The following ITCH variants were observed in gnomAD, a reference collection of about 807,000 sequenced individuals.
ITCH encodes the protein E3 ubiquitin-protein ligase Itchy homolog.
In ITCH, 28 loss-of-function variants were observed where a neutral mutation model predicts 126.8. The observed-to-expected ratio is 0.22, with a 90% CI of 0.16 to 0.30. The LOEUF is 0.30. Among genes scored for constraint, ITCH ranks in the 10% least tolerant of loss-of-function variants. The probability of loss-of-function intolerance (pLI) is 1.00; values close to 1 mark genes in which losing one functional copy is unlikely to be tolerated. For synonymous variants in ITCH, 342 were observed against 340.0 expected (o/e 1.01, Z -0.06); for missense variants, 631 against 1,032.4 (o/e 0.61, Z 5.33).
Position 34,477,850 on chromosome 20 carries a change from G to A in ITCH, c.1648G>A (p.Gly550Ser). ...AGGAGAAGAAGGTTTAGATTATGGA[G>A]GTGTAGCAAGGTAGTGATAATATGA... is the stretch of plus-strand genomic sequence containing the variant. Reference protein sequence around the residue: ...FPGEEGLDYGGVAREWFFLLS... With the variant: ...FPGEEGLDYGSVAREWFFLLS... Residue 550 changes from glycine to serine, a missense_variant, in exon 17 of 25, where the codon GGT (glycine) becomes AGT (serine). Gly to Ser is a moderately conservative substitution (Grantham distance 56). This residue lies in a region of ITCH where 390 missense variants were observed against 731.6 expected (regional missense o/e 0.53). Coordinates refer to ENST00000374864, the MANE Select transcript of ITCH (RefSeq NM_031483.7). 1 of 1,613,134 alleles carries A rather than the reference G, an allele frequency of 6.2e-7. No homozygotes were observed. Among genetic ancestry groups the A allele is most frequent in the Non-Finnish European group, 8.5e-7 (1 of 1,179,178 alleles).
intron 20 of ITCH, 72 bp downstream of exon 20, chr20:34,481,278 A>G: frequency 7.1e-7 from 1 of 1,402,200 alleles, no homozygotes; most frequent in Non-Finnish European, 1.0e-6. Flanking sequence ...ACTAATACTA[A>G]TGGAGAGTAT....
chr20:34,428,076 T>G (rs1981785063), intron 7 of ITCH, among the ~76,000 whole-genome samples: 1 of 152,220 alleles, frequency 6.6e-6, no homozygotes, highest in African/African-American at 2.4e-5. Context: ...GACAAATCTT[T>G]GAGTATGTCT....
At chr20:34,399,243 T>G (rs975032358) in intron 3 of ITCH, among the ~76,000 whole-genome samples, 1 of 151,806 alleles carries the variant, frequency 6.6e-6, no homozygotes, top group African/African-American at 2.4e-5. Context: ...AAATACAAAA[T>G]TAGCCGGGCA....
chr20:34,397,941 TAATA>T (rs1335630884), intron 3 of ITCH, among the ~76,000 whole-genome samples: 2 of 152,068 alleles, frequency 1.3e-5, no homozygotes, highest in South Asian at 4.2e-4. Context: ...AGACAATGAT[TAATA>T]GTTTTTTTCT....
chr20:34,437,873 T>G (rs1983229255), intron 7 of ITCH, among the ~76,000 whole-genome samples: 1 of 152,184 alleles, frequency 6.6e-6, no homozygotes, highest in Non-Finnish European at 1.5e-5. Context: ...TTTCTATCCC[T>G]CCAGTTGATG....
At chr20:34,373,898 T>A (rs966883524) in intron 2 of ITCH, among the ~76,000 whole-genome samples, 1 of 152,114 alleles carries the variant, frequency 6.6e-6, no homozygotes, top group Non-Finnish European at 1.5e-5. Context: ...TTTTTTATTT[T>A]TTTTTAAGAT....
chr20:34,420,864 C>G (rs932167782), intron 6 of ITCH, among the ~76,000 whole-genome samples: 2 of 152,150 alleles, frequency 1.3e-5, no homozygotes, highest in Admixed American at 1.3e-4. Flanking sequence ...CCCCAGAGAA[C>G]ATTTCTTTTG....
chr20:34,416,478 C>T (rs1223825923), intron 6 of ITCH, among the ~76,000 whole-genome samples: 1 of 152,310 alleles, frequency 6.6e-6, no homozygotes, highest in Admixed American at 6.5e-5. Flanking sequence ...TTCACTTTCA[C>T]TCCAAAAATA....
At chr20:34,496,504 T>C (rs752207957) in intron 23 of ITCH, among the ~76,000 whole-genome samples, 28 of 152,142 alleles carry the variant, frequency 1.8e-4, no homozygotes, top group Admixed American at 1.3e-4. Flanking sequence ...TTATGTCCTC[T>C]TTATAAAATC....
intron 14 of ITCH, 71 bp from the exon 15 acceptor site, chr20:34,469,977 A>G (rs1193469022): frequency 8.5e-7 from 1 of 1,170,296 alleles, no homozygotes; most frequent in Non-Finnish European, 1.3e-6. Flanking sequence ...AGGGTGGGAT[A>G]TTTTGCTTTC....
chr20:34,437,575 G>T (rs566907500), intron 7 of ITCH, among the ~76,000 whole-genome samples: 31 of 152,306 alleles, frequency 2.0e-4, no homozygotes, highest in African/African-American at 7.2e-4. Flanking sequence ...CCAAAGTGCT[G>T]CAATTACAAG....
At position 34,393,805 on chromosome 20, in the gene ITCH, T is replaced by G; in HGVS notation, c.-7T>G. 6.2e-7 allele frequency: 1 copy of G among 1,611,282 alleles called. No individual in the cohort carries two copies. Among genetic ancestry groups the G allele is most frequent in the Non-Finnish European group, 8.5e-7 (1 of 1,177,396 alleles). On this transcript the variant is annotated 5_prime_UTR_variant, in exon 3 of 25. In the 5' UTR this introduces an upstream ATG that the reference lacks. Transcript: ENST00000374864. ...GCCATGTTCAGGTTTTCCAACCTAT[T>G]GGTGGTATGTCTGACAGTGGATCAC... is the stretch of plus-strand genomic sequence containing the variant.
chr20:34,446,919 C>T lies in ITCH; in HGVS notation c.1140+1458C>T, dbSNP rs1425069697. Among the ~76,000 whole-genome samples the T allele has an allele frequency of 2.6e-5, 4 of 152,242 alleles. No individual in the cohort carries two copies. The East Asian group carries it at 7.7e-4, about 29-fold the overall frequency. On this transcript the variant is annotated intron_variant, in intron 11 of 24. Transcript: ENST00000374864. Reference sequence around the variant, plus strand: ...TAAAATAAATACAGATATAAAATTGCCTCAGAGTTTTTCTGAGGATTCTTT... The same window carrying T: ...TAAAATAAATACAGATATAAAATTGTCTCAGAGTTTTTCTGAGGATTCTTT...
At chr20:34,428,191 T>G (rs1383873288) in intron 7 of ITCH, among the ~76,000 whole-genome samples, 1 of 152,224 alleles carries the variant, frequency 6.6e-6, no homozygotes, top group African/African-American at 2.4e-5. Flanking sequence ...AAAAGCTGTT[T>G]AAATGTTACT....
At chr20:34,379,890 C>T (rs1474174628) in intron 2 of ITCH, among the ~76,000 whole-genome samples, 2 of 119,210 alleles carry the variant, frequency 1.7e-5, no homozygotes, top group Admixed American at 1.0e-4. Flanking sequence ...AACCACTGCA[C>T]CCGGCCCCCC....
chr20:34,442,217 G>A lies in ITCH; in HGVS notation c.879G>A (p.Gln293=). ...TAATTTTGTATTTAAGTTGGGAGCA[G>A]AGAGTGGACCAGCACGGGCGAGTTT... ...TQAPLPPGWE[Q]RVDQHGRVYY... is the part of the protein sequence containing the mutation. Residue 293 remains glutamine (Q), a synonymous_variant, in exon 10 of 25, where the codon CAG becomes CAA. Coordinates refer to ENST00000374864, the MANE Select transcript of ITCH (RefSeq NM_031483.7). 2 of 1,613,540 alleles carry A rather than the reference G, an allele frequency of 1.2e-6. No individual in the cohort carries two copies. The highest frequency in any genetic ancestry group is 1.7e-6 in the Non-Finnish European group (2 of 1,179,472).
chr20:34,500,592 T>G (rs1465458139), intron 23 of ITCH, among the ~76,000 whole-genome samples: 1 of 152,182 alleles, frequency 6.6e-6, no homozygotes, highest in Non-Finnish European at 1.5e-5. Flanking sequence ...CAGCATATGA[T>G]AGTTGGGTCA....
At chr20:34,481,444 T>C (rs1988741865) in intron 20 of ITCH, among the ~76,000 whole-genome samples, 1 of 152,208 alleles carries the variant, frequency 6.6e-6, no homozygotes, top group Non-Finnish European at 1.5e-5. Context: ...GTAATCACTA[T>C]GCTGTATAAC....
chr20:34,371,077 A>G (rs1012159938), intron 2 of ITCH, among the ~76,000 whole-genome samples: 10 of 149,154 alleles, frequency 6.7e-5, no homozygotes, highest in Non-Finnish European at 1.5e-4. Flanking sequence ...CTGAGGCAGG[A>G]GAATGGTGTG....
Sources: allele counts gnomAD v4.1 joint callset (sites outside exome capture counted in the v4.1 genomes callset), GRCh38; gene constraint gnomAD v4.1.1; regional missense constraint gnomAD v4.1.1; transcripts MANE v1.5; gene names NCBI Gene and HGNC (gene_info 2026-07-23, HGNC 2026-07-21).